The following BICC1 variants were observed in gnomAD, a reference collection of about 807,000 sequenced individuals.
BICC1 encodes BicC family RNA binding protein 1.
Under a neutral mutation model 111.0 loss-of-function variants are expected in BICC1, and 43 were observed. The observed-to-expected ratio is 0.39, with a 90% CI of 0.30 to 0.50. The LOEUF (loss-of-function observed/expected upper bound fraction) is 0.50. Ranked by LOEUF, BICC1 falls within the 20% of genes least tolerant of loss-of-function variation. The pLI, the probability that BICC1 is intolerant of heterozygous loss-of-function variation, is 0.88. For synonymous variants in BICC1, 467 were observed against 434.4 expected, an observed-to-expected ratio of 1.07 and a Z score of -0.93; for missense variants, 1,091 against 1,203.2, an observed-to-expected ratio of 0.91 and a Z score of 1.38.
chr10:58,745,497 G>A (rs1354282871), intron 3 of BICC1, among the ~76,000 whole-genome samples: 2 of 151,684 alleles, frequency 1.3e-5, no homozygotes, highest in Non-Finnish European at 2.9e-5. Context: ...CAGAATTCCA[G>A]CAGTCATATC....
chr10:58,710,449 A>C (rs1019799644), intron 3 of BICC1, among the ~76,000 whole-genome samples: 1 of 151,960 alleles, frequency 6.6e-6, no homozygotes, highest in Non-Finnish European at 1.5e-5. Context: ...GAGATTACAG[A>C]GATTTGAAGG....
chr10:58,799,120 G>A lies in BICC1; in HGVS notation c.1593G>A (p.Leu531=). 1 of 1,613,682 alleles carries A rather than the reference G, an allele frequency of 6.2e-7. No homozygotes were observed. The highest frequency in any genetic ancestry group is 8.5e-7 in the Non-Finnish European group (1 of 1,179,812). Residue 531 remains leucine, a synonymous_variant, in exon 12 of 21, where the codon TTG becomes TTA. Coordinates refer to ENST00000373886, the MANE Select transcript of BICC1 (RefSeq NM_001080512.3). ...STAQATLTNI[L]LSGVPTYGHT... ...CCCAAGCCACATTAACTAATATTTT[G>A]TTGTCTGGAGTGCCCACCTATGGGC...
chr10:58,707,996 C>A (rs1840443195), intron 3 of BICC1, among the ~76,000 whole-genome samples: 1 of 91,008 alleles, frequency 1.1e-5, no homozygotes, highest in Non-Finnish European at 2.2e-5. Context: ...CGCGCCTAGC[C>A]AGCTAATTTT....
At position 58,525,926 on chromosome 10, in the gene BICC1, G is replaced by A. The variant is rs148645242; in HGVS notation, c.190+12593G>A. 4.0e-5 allele frequency among the ~76,000 whole-genome samples: 6 copies of A among 151,300 alleles called. No homozygotes were observed. In the East Asian group the frequency reaches 1.2e-3, roughly 29 times the overall value. ...TTCAGAATTCTGTGGTTGAATAATA[G>A]TACATTTGGTTGAAAAAAATTTTTT... On this transcript the variant is annotated intron_variant, in intron 1 of 20. Transcript: ENST00000373886.
At chr10:58,728,743 C>T (rs1015054770) in intron 3 of BICC1, among the ~76,000 whole-genome samples, 5 of 151,970 alleles carry the variant, frequency 3.3e-5, no homozygotes, top group African/African-American at 1.2e-4. Flanking sequence ...CATAATTACT[C>T]CTCTATCCAT....
chr10:58,520,824 A>G (rs1842368069), intron 1 of BICC1, among the ~76,000 whole-genome samples: 1 of 152,054 alleles, frequency 6.6e-6, no homozygotes, highest in South Asian at 2.1e-4. Flanking sequence ...AGCAATAACC[A>G]CTGATGATAT....
intron 1 of BICC1, among the ~76,000 whole-genome samples, chr10:58,532,656 A>G (rs1212030724): frequency 6.6e-6 from 1 of 151,820 alleles, no homozygotes; most frequent in Non-Finnish European, 1.5e-5. Flanking sequence ...CTAACTGAAG[A>G]GGGCCAACAA....
At position 58,585,223 on chromosome 10, in the gene BICC1, G is replaced by A. The variant is rs918737936; in HGVS notation, c.191-35632G>A. ...TTTGAAAAGTTGTTTACTTTGGCAA[G>A]CAAGGCTTAGGTAGTCTGTGTGGTC... is the stretch of plus-strand genomic sequence containing the variant. On this transcript the variant is annotated intron_variant, in intron 1 of 20. Transcript: ENST00000373886. 5.9e-5 allele frequency among the ~76,000 whole-genome samples: 9 copies of A among 152,154 alleles called. No homozygotes were observed. The South Asian group carries it at 6.2e-4, about 11-fold the overall frequency.
At chr10:58,528,808 A>G (rs1259271406) in intron 1 of BICC1, among the ~76,000 whole-genome samples, 2 of 151,940 alleles carry the variant, frequency 1.3e-5, no homozygotes, top group Admixed American at 1.3e-4. Context: ...TAAACAATAC[A>G]AACCCAATGG....
intron 2 of BICC1, among the ~76,000 whole-genome samples, chr10:58,664,840 G>GT (rs146528588): frequency 0.01 from 1,576 of 152,268 alleles, 20 homozygotes; most frequent in Non-Finnish European, 0.016. Context: ...ATAGGGGAGT[G>GT]TGTCAGTAGT....
At chr10:58,737,932 G>A (rs548185591) in intron 3 of BICC1, among the ~76,000 whole-genome samples, 1 of 152,282 alleles carries the variant, frequency 6.6e-6, no homozygotes, top group African/African-American at 2.4e-5. Context: ...TGTTGGTGGG[G>A]TTGTTTGATT....
chr10:58,777,332 G>A lies in BICC1; in HGVS notation c.308-7669G>A, dbSNP rs149282836. Among the ~76,000 whole-genome samples the A allele has an allele frequency of 8.2e-3, 1,248 of 152,044 alleles. 25 individuals carry two copies. Among genetic ancestry groups the A allele is most frequent in the African/African-American group, 0.028 (1,178 of 41,448 alleles). On this transcript the variant is annotated intron_variant, in intron 3 of 20. Coordinates refer to ENST00000373886, the MANE Select transcript of BICC1 (RefSeq NM_001080512.3). ...TTCCTCCTGAAGTTGAAAAGTCAGTGGAGAATAGTTCTAATAGCCCAGCAT... is the reference window on the plus strand; with the variant it reads ...TTCCTCCTGAAGTTGAAAAGTCAGTAGAGAATAGTTCTAATAGCCCAGCAT...
chr10:58,821,974 T>C (rs959559689), intron 20 of BICC1, among the ~76,000 whole-genome samples: 1 of 152,178 alleles, frequency 6.6e-6, no homozygotes, highest in Non-Finnish European at 1.5e-5. Context: ...ATAGTTTTAT[T>C]ACTTGTTCTT....
At chr10:58,662,663 G>C (rs1317297582) in intron 2 of BICC1, among the ~76,000 whole-genome samples, 2 of 152,132 alleles carry the variant, frequency 1.3e-5, no homozygotes, top group African/African-American at 4.8e-5. Context: ...CACCTTTCTT[G>C]CTTCTGAATC....
chr10:58,574,026 T>C (rs1453812064), intron 1 of BICC1, among the ~76,000 whole-genome samples: 1 of 152,082 alleles, frequency 6.6e-6, no homozygotes, highest in African/African-American at 2.4e-5. Context: ...CAAATAAAAT[T>C]TGGAGTCCGC....
chr10:58,642,666 TTTA>T (rs138889861), intron 2 of BICC1, among the ~76,000 whole-genome samples: 124 of 148,288 alleles, frequency 8.4e-4, no homozygotes, highest in African/African-American at 2.9e-3. Flanking sequence ...ATATGAACCA[TTTA>T]TTATTATTAT....
intron 3 of BICC1, among the ~76,000 whole-genome samples, chr10:58,745,259 GA>G (rs1163358160): frequency 3.9e-5 from 6 of 152,050 alleles, no homozygotes; most frequent in Admixed American, 6.6e-5. Flanking sequence ...TAACTGGGTT[GA>G]ATGCTGGTTC....
intron 3 of BICC1, among the ~76,000 whole-genome samples, chr10:58,781,730 G>A (rs1264691678): frequency 6.6e-6 from 1 of 152,046 alleles, no homozygotes; most frequent in East Asian, 1.9e-4. Context: ...TGTTTGAATT[G>A]TAAACTGTTA....
chr10:58,708,147 C>T (rs191364073), intron 3 of BICC1, among the ~76,000 whole-genome samples: 2 of 106,048 alleles, frequency 1.9e-5, no homozygotes, highest in African/African-American at 7.7e-5. Context: ...CCTAGCCAGC[C>T]AATTTTTTTT....
Sources: gnomAD v4.1 joint callset for allele counts (sites outside exome capture counted in the v4.1 genomes callset) on GRCh38, gnomAD v4.1.1 for gene constraint, MANE v1.5 for transcripts, NCBI Gene and HGNC (gene_info 2026-07-23, HGNC 2026-07-21) for gene names.